Variants in PAFAH1B2 observed in about 807,000 individuals in gnomAD.
PAFAH1B2 encodes platelet activating factor acetylhydrolase 1b catalytic subunit 2.
In PAFAH1B2, 8 loss-of-function variants were observed where a neutral mutation model predicts 28.0. That is an observed-to-expected ratio of 0.29 (90% CI 0.17 to 0.52). The LOEUF is 0.52. PAFAH1B2 is among the 20% of genes least tolerant of loss of function. PAFAH1B2 has a pLI of 0.97. For missense variants in PAFAH1B2, 190 were observed against 282.6 expected (o/e 0.67, Z 2.35); for synonymous variants, 104 against 103.2 (o/e 1.01, Z -0.05).
chr11:117,147,534 TCTATATG>T (rs909323580), intron 1 of PAFAH1B2, among the ~76,000 whole-genome samples: 4 of 152,322 alleles, frequency 2.6e-5, no homozygotes, highest in African/African-American at 9.6e-5. Context: ...GTTTTAATCC[TCTATATG>T]CATAGTCTTC....
intron 1 of PAFAH1B2, among the ~76,000 whole-genome samples, chr11:117,147,748 CAGAT>C (rs1162924275): frequency 6.6e-6 from 1 of 152,194 alleles, no homozygotes; most frequent in East Asian, 1.9e-4. Flanking sequence ...CATTTCTGCT[CAGAT>C]ACTTTGCCAT....
chr11:117,144,332 A>G lies in PAFAH1B2; in HGVS notation c.-94A>G, dbSNP rs1268240901. ...TGGGGCCGGAGGAGGGACGCGCCGG[A>G]GCGGGACCGACGGGACCGAGCGAGC... On this transcript the variant is annotated 5_prime_UTR_variant, in exon 1 of 6. Coordinates refer to ENST00000527958, the MANE Select transcript of PAFAH1B2 (RefSeq NM_002572.4). 4.9e-6 allele frequency: 2 copies of G among 410,810 alleles called. No individual in the cohort carries two copies. Among genetic ancestry groups the G allele is most frequent in the African/African-American group, 2.1e-5 (1 of 47,152 alleles). The allele number at this position is 410,810 out of a possible 1,614,324, so 25.4% of individuals were successfully genotyped here.
chr11:117,175,774 G>A, downstream of PAFAH1B2: 1 of 1,093,126 alleles, frequency 9.1e-7, no homozygotes, highest in African/African-American at 1.6e-5. Context: ...TTGCCCCAAA[G>A]TTATGAGGCC....
At position 117,169,419 on chromosome 11, in the gene PAFAH1B2, G is replaced by T; in HGVS notation, c.*1720G>T. 1 of 1,052,894 alleles carries T rather than the reference G, an allele frequency of 9.5e-7. No individual in the cohort carries two copies. The highest frequency in any genetic ancestry group is 1.1e-6 in the Non-Finnish European group (1 of 871,498). 65.2% of individuals were successfully genotyped at this position (1,052,894 alleles called of 1,614,324 possible). A position where few individuals can be genotyped will look rare whatever the true frequency, so the allele number is the denominator to read the frequency against. On this transcript the variant is annotated 3_prime_UTR_variant, in exon 6 of 6. Transcript: ENST00000527958. ...GAAGTAACCCATCAAAATATGCTCTGCAGTGATTCCGCTTAATGTTTAAAT... is the reference window on the plus strand; with the variant it reads ...GAAGTAACCCATCAAAATATGCTCTTCAGTGATTCCGCTTAATGTTTAAAT...
downstream of PAFAH1B2, among the ~76,000 whole-genome samples, chr11:117,173,404 C>T (rs575766295): frequency 1.3e-5 from 2 of 152,332 alleles, no homozygotes; most frequent in East Asian, 3.9e-4. Flanking sequence ...GTACTTAGGA[C>T]AGTAGAGACC....
chr11:117,175,365 G>A, downstream of PAFAH1B2: 1 of 1,069,990 alleles, frequency 9.3e-7, no homozygotes, highest in Non-Finnish European at 1.1e-6. Context: ...CCTCAGAAAG[G>A]ACCTATTCAT....
downstream of PAFAH1B2, among the ~76,000 whole-genome samples, chr11:117,177,888 G>C (rs1212970251): frequency 1.3e-5 from 2 of 152,178 alleles, no homozygotes; most frequent in Admixed American, 1.3e-4. Flanking sequence ...TACGTGTCCT[G>C]TGAAGTCTTA....
Position 117,170,904 on chromosome 11 carries a change from T to C in PAFAH1B2, c.*3205T>C, listed in dbSNP as rs188998050. The C allele has an allele frequency of 1.9e-6, 2 of 1,060,158 alleles. No homozygotes were observed. The highest frequency in any genetic ancestry group is 1.0e-4 in the East Asian group (2 of 19,478). The allele number at this position is 1,060,158 out of a possible 1,614,324, so 65.7% of individuals were successfully genotyped here. On this transcript the variant is annotated 3_prime_UTR_variant, in exon 6 of 6. Transcript: ENST00000527958. ...AGGGGTCCCCCAGGTTTCTTGGTGT[T>C]CCTGCTTGGGGATCACTGCTGCTAG...
intron 5 of PAFAH1B2, 81 bp from the exon 6 acceptor site, chr11:117,167,340 C>G (rs1956535475): frequency 1.5e-6 from 2 of 1,369,684 alleles, no homozygotes; most frequent in Admixed American, 5.3e-5. Context: ...TGGAGATGTT[C>G]CAGGAATATC....
chr11:117,170,126 A>G lies in PAFAH1B2; in HGVS notation c.*2427A>G, dbSNP rs561395061. ...CAGATTTCTTTGCACTACTTTAGGT[A>G]AAAATAGTTAATCTATTTTTCTTTG... On this transcript the variant is annotated 3_prime_UTR_variant, in exon 6 of 6. Transcript: ENST00000527958. The G allele has an allele frequency of 1.2e-4, 127 of 1,054,654 alleles. No individual in the cohort carries two copies. The African/African-American group carries it at 1.9e-3, about 15-fold the overall frequency. 65.3% of individuals were successfully genotyped at this position (1,054,654 alleles called of 1,614,324 possible). A position where few individuals can be genotyped will look rare whatever the true frequency, so the allele number is the denominator to read the frequency against.
In PAFAH1B2 at chr11:117,168,170, T is replaced by A. The variant is rs1039874775; in HGVS notation, c.*471T>A. The A allele has an allele frequency of 9.5e-7, 1 of 1,048,688 alleles. No homozygotes were observed. Among genetic ancestry groups the A allele is most frequent in the Non-Finnish European group, 1.2e-6 (1 of 866,290 alleles). 65.0% of individuals were successfully genotyped at this position (1,048,688 alleles called of 1,614,324 possible). On this transcript the variant is annotated 3_prime_UTR_variant, in exon 6 of 6. Coordinates refer to ENST00000527958, the MANE Select transcript of PAFAH1B2 (RefSeq NM_002572.4). ...TGTTTTTATGTTGCTTAGATTCTTATGTATACTGAATATTTTATTAACATG... is the reference window on the plus strand; with the variant it reads ...TGTTTTTATGTTGCTTAGATTCTTAAGTATACTGAATATTTTATTAACATG...
At position 117,168,446 on chromosome 11, in the gene PAFAH1B2, G is replaced by GTTTGGTTTTTT; in HGVS notation, c.*750_*751insGGTTTTTTTTT. On this transcript the variant is annotated 3_prime_UTR_variant, in exon 6 of 6. Coordinates refer to ENST00000527958, the MANE Select transcript of PAFAH1B2 (RefSeq NM_002572.4). ...TCCCCTTCATTCCCCCCGCCACCCC[G>GTTTGGTTTTTT]TTTTTTTTTTTTTTTTTTTTTTTTT... 1 of 234,818 alleles carries GTTTGGTTTTTT rather than the reference G, an allele frequency of 4.3e-6. No homozygotes were observed. Among genetic ancestry groups the GTTTGGTTTTTT allele is most frequent in the Non-Finnish European group, 5.0e-6 (1 of 200,708 alleles). The allele number at this position is 234,818 out of a possible 1,614,324, so 14.5% of individuals were successfully genotyped here.
At position 117,170,687 on chromosome 11, in the gene PAFAH1B2, G is replaced by A. The variant is rs1956633052; in HGVS notation, c.*2988G>A. 2.9e-6 allele frequency: 3 copies of A among 1,050,166 alleles called. No individual in the cohort carries two copies. Among genetic ancestry groups the A allele is most frequent in the Non-Finnish European group, 3.4e-6 (3 of 871,790 alleles). The allele number at this position is 1,050,166 out of a possible 1,614,324, so 65.1% of individuals were successfully genotyped here. ...ATTTTATTTTTTTAACCTAGTCACT[G>A]TTTACAATTGTATGCTAAAGCCTGA... is the stretch of plus-strand genomic sequence containing the variant. On this transcript the variant is annotated 3_prime_UTR_variant, in exon 6 of 6. Coordinates refer to ENST00000527958, the MANE Select transcript of PAFAH1B2 (RefSeq NM_002572.4).
rs936855993 is a variant in PAFAH1B2, at chr11:117,168,629, A to G, written c.*930A>G. The stretch of plus-strand genomic sequence containing the variant: ...ATAGATTCTGTGTATTGCTGTTCAT[A>G]TTCGGAGTTCTGGTTTTGTTTTTCC... On this transcript the variant is annotated 3_prime_UTR_variant, in exon 6 of 6. Transcript: ENST00000527958. The G allele has an allele frequency of 9.4e-6, 10 of 1,062,124 alleles. No homozygotes were observed. The African/African-American group carries it at 1.6e-4, about 17-fold the overall frequency. 65.8% of individuals were successfully genotyped at this position (1,062,124 alleles called of 1,614,324 possible).
At chr11:117,161,790 T>A (rs1031995772) in intron 4 of PAFAH1B2, among the ~76,000 whole-genome samples, 12 of 152,094 alleles carry the variant, frequency 7.9e-5, no homozygotes, top group African/African-American at 2.4e-4. Flanking sequence ...ATTACAAGCA[T>A]GAGCCACCGC....
At chr11:117,176,785 G>C (rs1305641390) in exon 6 of PAFAH1B2, 1 of 151,448 alleles carries the variant, frequency 6.6e-6, no homozygotes, top group Non-Finnish European at 1.5e-5. Context: ...GCTGAGGCAG[G>C]AGCATCGCCT....
chr11:117,168,471 T>TG lies in PAFAH1B2; in HGVS notation c.*774dup, dbSNP rs1956571010. 1.2e-6 allele frequency: 1 copy of TG among 847,952 alleles called. No homozygotes were observed. The highest frequency in any genetic ancestry group is 2.1e-5 in the African/African-American group (1 of 48,628). 52.5% of individuals were successfully genotyped at this position (847,952 alleles called of 1,614,324 possible). ...GTTTTTTTTTTTTTTTTTTTTTTTT[T>TG]GGTTCTTGTTGACATTACAAGCTTT... On this transcript the variant is annotated 3_prime_UTR_variant, in exon 6 of 6. Transcript: ENST00000527958.
At chr11:117,160,779 CTTT>C (rs113638567) in intron 3 of PAFAH1B2, among the ~76,000 whole-genome samples, 2 of 142,996 alleles carry the variant, frequency 1.4e-5, no homozygotes. Flanking sequence ...TAAAAGATAG[CTTT>C]TTTTTTTTTT....
Position 117,168,790 on chromosome 11 carries a change from G to GT in PAFAH1B2, c.*1097dup. 1 of 982,678 alleles carries GT rather than the reference G, an allele frequency of 1.0e-6. No homozygotes were observed. The highest frequency in any genetic ancestry group is 1.2e-6 in the Non-Finnish European group (1 of 811,036). 60.9% of individuals were successfully genotyped at this position (982,678 alleles called of 1,614,324 possible). A position where few individuals can be genotyped will look rare whatever the true frequency, so the allele number is the denominator to read the frequency against. Reference sequence around the variant, plus strand: ...TTTTATTTTTTTTATTGGCTTAGTTGTTTTTTGTTTTGTTTTGTTTGAGAT... The same window carrying GT: ...TTTTATTTTTTTTATTGGCTTAGTTGTTTTTTTGTTTTGTTTTGTTTGAGAT... On this transcript the variant is annotated 3_prime_UTR_variant, in exon 6 of 6. Coordinates refer to ENST00000527958, the MANE Select transcript of PAFAH1B2 (RefSeq NM_002572.4).
Sources: gnomAD v4.1 joint callset for allele counts (sites outside exome capture counted in the v4.1 genomes callset) on GRCh38, gnomAD v4.1.1 for gene constraint, MANE v1.5 for transcripts, NCBI Gene and HGNC (gene_info 2026-07-23, HGNC 2026-07-21) for gene names.